SAMMSON: variants seen among roughly 807,000 people sequenced by gnomAD.
The protein encoded by SAMMSON is long intergenic non-protein coding RNA 1212.
intron 4 of SAMMSON, among the ~76,000 whole-genome samples, chr3:70,152,560 C>T (rs2067575971): frequency 6.6e-6 from 1 of 151,954 alleles, no homozygotes; most frequent in Non-Finnish European, 1.5e-5. Context: ...CCCCAAGGTG[C>T]TTTATTATCT....
At chr3:70,424,282 A>G (rs1701336836) in intron 2 of SAMMSON, among the ~76,000 whole-genome samples, 1 of 152,224 alleles carries the variant, frequency 6.6e-6, no homozygotes, top group Admixed American at 6.5e-5. Flanking sequence ...TTGAAAAATT[A>G]TCTTAATAAC....
chr3:70,224,894 A>G (rs2106739640), intron 4 of SAMMSON, among the ~76,000 whole-genome samples: 2 of 152,292 alleles, frequency 1.3e-5, no homozygotes, highest in Non-Finnish European at 2.9e-5. Context: ...TGAAAACATA[A>G]TATTATACCC....
intron 4 of SAMMSON, among the ~76,000 whole-genome samples, chr3:70,176,381 G>C (rs1701009062): frequency 6.6e-6 from 1 of 152,162 alleles, no homozygotes; most frequent in Non-Finnish European, 1.5e-5. Context: ...AGAAGCTTCT[G>C]TGGGTGAGAT....
chr3:70,160,328 G>A (rs1196805180), intron 4 of SAMMSON, among the ~76,000 whole-genome samples: 1 of 151,776 alleles, frequency 6.6e-6, no homozygotes, highest in Non-Finnish European at 1.5e-5. Flanking sequence ...CATGTGTTGT[G>A]AGGTAAGGAT....
intron 3 of SAMMSON, among the ~76,000 whole-genome samples, chr3:70,021,233 T>C (rs1447721741): frequency 1.3e-5 from 2 of 152,202 alleles, no homozygotes; most frequent in Non-Finnish European, 2.9e-5. Context: ...ACATTTCCTG[T>C]CATAATTAGT....
chr3:70,432,887 A>C (rs532297818), intron 2 of SAMMSON, among the ~76,000 whole-genome samples: 3 of 152,024 alleles, frequency 2.0e-5, no homozygotes, highest in Non-Finnish European at 4.4e-5. Context: ...TGCCTTTTTC[A>C]GTATGTCATA....
chr3:70,251,022 G>T (rs1206403449), intron 6 of SAMMSON, among the ~76,000 whole-genome samples: 1 of 152,144 alleles, frequency 6.6e-6, no homozygotes. Context: ...CCATTTAAAC[G>T]CCTTTCCAGA....
At chr3:70,220,612 T>C (rs1327220698) in intron 4 of SAMMSON, among the ~76,000 whole-genome samples, 1 of 152,148 alleles carries the variant, frequency 6.6e-6, no homozygotes, top group Non-Finnish European at 1.5e-5. Context: ...GGAAGTATGT[T>C]AGTGTGTTGA....
intron 6 of SAMMSON, among the ~76,000 whole-genome samples, chr3:70,262,848 T>A (rs1701879760): frequency 6.6e-6 from 1 of 152,196 alleles, no homozygotes; most frequent in Non-Finnish European, 1.5e-5. Flanking sequence ...CCTGATATTG[T>A]CCCACAGGTC....
chr3:70,027,138 G>A (rs6549265), intron 3 of SAMMSON, among the ~76,000 whole-genome samples: 78,344 of 151,968 alleles, frequency 0.52, 20,943 homozygotes, highest in East Asian at 0.73. Context: ...TTGAGGTTGA[G>A]TGTTCATAAT....
intron 4 of SAMMSON, among the ~76,000 whole-genome samples, chr3:70,123,631 G>A (rs368735603): frequency 1.1e-4 from 17 of 152,304 alleles, no homozygotes; most frequent in Non-Finnish European, 2.1e-4. Context: ...TGATTATGGC[G>A]TTCAGCCATG....
rs1034256240 is a variant in SAMMSON at position 70,182,922 on chromosome 3, C to T, written n.508-66185C>T. On this transcript the variant is annotated intron_variant and non_coding_transcript_variant, in intron 4 of 9. Coordinates refer to ENST00000642114, the Ensembl canonical transcript of SAMMSON. ...ATGACTAATTGGATTTTTTTTGTAA[C>T]TGTATATTAATGATGCAAACGAAAA... 2.6e-5 allele frequency among the ~76,000 whole-genome samples: 4 copies of T among 151,320 alleles called. No individual in the cohort carries two copies. The East Asian group carries it at 7.7e-4, about 29-fold the overall frequency.
At chr3:70,125,704 AAC>A in intron 4 of SAMMSON, 1 of 692,666 alleles carries the variant, frequency 1.4e-6, no homozygotes, top group East Asian at 2.7e-5. Context: ...ATCCGAAGGT[AAC>A]AGCACTAGAT....
At chr3:70,418,019 T>A (rs1575645260) in intron 2 of SAMMSON, among the ~76,000 whole-genome samples, 1 of 152,136 alleles carries the variant, frequency 6.6e-6, no homozygotes, top group Non-Finnish European at 1.5e-5. Flanking sequence ...CCAGGTTAGG[T>A]CATCCCTGAA....
chr3:70,122,673 A>G (rs774842980), intron 4 of SAMMSON, among the ~76,000 whole-genome samples: 6 of 152,254 alleles, frequency 3.9e-5, no homozygotes, highest in African/African-American at 9.6e-5. Context: ...GCTGTGAAAC[A>G]GAAGATTTTT....
At chr3:70,080,263 C>T (rs1559786971) in intron 4 of SAMMSON, among the ~76,000 whole-genome samples, 1 of 152,210 alleles carries the variant, frequency 6.6e-6, no homozygotes, top group East Asian at 1.9e-4. Flanking sequence ...TATGGCTTAG[C>T]TGTTTCCCTC....
At chr3:70,089,500 C>T (rs182763408) in intron 4 of SAMMSON, among the ~76,000 whole-genome samples, 182 of 144,094 alleles carry the variant, frequency 1.3e-3, no homozygotes, top group Admixed American at 1.7e-3. Flanking sequence ...CTAACTGCTT[C>T]ACTGTGATAA....
chr3:70,409,424 TAA>T (rs1701201056), intron 2 of SAMMSON, among the ~76,000 whole-genome samples: 1 of 151,614 alleles, frequency 6.6e-6, no homozygotes, highest in Non-Finnish European at 1.5e-5. Flanking sequence ...AAAAGTCACT[TAA>T]GAGAGAGAAG....
At chr3:70,097,270 G>A (rs1339314839) in intron 4 of SAMMSON, among the ~76,000 whole-genome samples, 1 of 152,176 alleles carries the variant, frequency 6.6e-6, no homozygotes, top group Non-Finnish European at 1.5e-5. Context: ...GAGAGATGTG[G>A]GCCCTAGATG....
Sources: allele counts gnomAD v4.1 joint callset (sites outside exome capture counted in the v4.1 genomes callset), GRCh38; gene constraint gnomAD v4.1.1; transcripts MANE v1.5; gene names NCBI Gene and HGNC (gene_info 2026-07-23, HGNC 2026-07-21).